Variants in KLHL18 observed in about 807,000 individuals in gnomAD.
The protein encoded by KLHL18 is kelch-like protein 18.
Under a neutral mutation model 58.5 loss-of-function variants are expected in KLHL18, and 38 were observed. That is an observed-to-expected ratio of 0.65 (90% CI 0.50 to 0.85). The LOEUF is 0.85. Among genes scored for constraint, KLHL18 ranks in the 40% least tolerant of loss-of-function variants. The pLI is 0.00. For missense variants in KLHL18, 624 were observed against 778.4 expected (o/e 0.80, Z 2.36); for synonymous variants, 303 against 301.9 (o/e 1.00, Z -0.04).
intron 1 of KLHL18, among the ~76,000 whole-genome samples, chr3:47,308,041 C>T (rs1291763415): frequency 6.6e-6 from 1 of 152,056 alleles, no homozygotes; most frequent in Non-Finnish European, 1.5e-5. Flanking sequence ...ATTTTATAGA[C>T]TTATTCTTAC....
chr3:47,325,825 AG>A (rs1326455575), intron 3 of KLHL18, among the ~76,000 whole-genome samples: 6 of 149,722 alleles, frequency 4.0e-5, no homozygotes, highest in African/African-American at 1.5e-4. Context: ...GCTGGAGTGC[AG>A]TTTCGTGATC....
chr3:47,287,554 T>A (rs529041197), intron 1 of KLHL18: 2 of 152,598 alleles, frequency 1.3e-5, no homozygotes, highest in African/African-American at 4.8e-5. Context: ...AGCGCAATCT[T>A]GGCTCACTGC....
At position 47,330,083 on chromosome 3, in the gene KLHL18, C is replaced by G. The variant is rs1310192961; in HGVS notation, c.534C>G (p.Ala178=). 1 of 1,613,928 alleles carries G rather than the reference C, an allele frequency of 6.2e-7. No individual in the cohort carries two copies. Among genetic ancestry groups the G allele is most frequent in the Non-Finnish European group, 8.5e-7 (1 of 1,180,036 alleles). ...TGTCCATGTCAGAAGAGTTCCTGGC[C>G]CTGCCCTTGGAAGACGTGCTTGAGC... ...VEVSMSEEFL[A]LPLEDVLELV... Residue 178 remains alanine, a synonymous_variant, in exon 4 of 10, where the codon GCC becomes GCG. Transcript: ENST00000232766.
chr3:47,300,377 G>GTA (rs1331026693), intron 1 of KLHL18, among the ~76,000 whole-genome samples: 1 of 100,622 alleles, frequency 9.9e-6, no homozygotes, highest in Non-Finnish European at 2.0e-5. Context: ...GTATATGTGT[G>GTA]TATATATATG....
At chr3:47,341,458 C>T (rs1168281497) in intron 8 of KLHL18, among the ~76,000 whole-genome samples, 1 of 152,132 alleles carries the variant, frequency 6.6e-6, no homozygotes, top group Non-Finnish European at 1.5e-5. Flanking sequence ...CCCTGGAGGC[C>T]TGTGTCAGAA....
At chr3:47,338,126 A>C (rs554137425) in intron 7 of KLHL18, 1 of 152,242 alleles carries the variant, frequency 6.6e-6, no homozygotes, top group Non-Finnish European at 1.5e-5. Context: ...CTGTTCTGCC[A>C]GTTAGTGACA....
intron 4 of KLHL18, among the ~76,000 whole-genome samples, chr3:47,330,717 G>A (rs1703837145): frequency 6.6e-6 from 1 of 152,162 alleles, no homozygotes; most frequent in African/African-American, 2.4e-5. Context: ...ACCAGAAACA[G>A]CAAGCATAGA....
intron 1 of KLHL18, among the ~76,000 whole-genome samples, chr3:47,289,712 G>C (rs1702750887): frequency 6.6e-6 from 1 of 152,162 alleles, no homozygotes; most frequent in South Asian, 2.1e-4. Context: ...GAGCCCAGGA[G>C]GTCAAGGCTG....
At chr3:47,333,844 G>A (rs1337853501) in intron 5 of KLHL18, among the ~76,000 whole-genome samples, 1 of 152,242 alleles carries the variant, frequency 6.6e-6, no homozygotes, top group East Asian at 1.9e-4. Context: ...ACATGGTACA[G>A]CAGAGTTACC....
rs1703940561 is a variant in KLHL18, at chr3:47,334,553, C to T, written c.762-130C>T. 9.9e-7 allele frequency: 1 copy of T among 1,012,894 alleles called. No individual in the cohort carries two copies. Among genetic ancestry groups the T allele is most frequent in the African/African-American group, 1.6e-5 (1 of 62,430 alleles). 62.7% of individuals were successfully genotyped at this position (1,012,894 alleles called of 1,614,324 possible). A position where few individuals can be genotyped will look rare whatever the true frequency, so the allele number is the denominator to read the frequency against. On this transcript the variant is annotated intron_variant, in intron 5 of 9. Coordinates refer to ENST00000232766, the MANE Select transcript of KLHL18 (RefSeq NM_025010.5). This position sits in a 1 kb window ranked among gnomAD's most constrained non-coding sequence, Gnocchi z 4.7. Reference sequence around the variant, plus strand: ...AGAACTCACCTGGTTTCTTTGAGACCAGACCTTCCAGAAGGCTTCTCCTCC... The same window carrying T: ...AGAACTCACCTGGTTTCTTTGAGACTAGACCTTCCAGAAGGCTTCTCCTCC...
chr3:47,300,623 A>G (rs1056710352), intron 1 of KLHL18, among the ~76,000 whole-genome samples: 31 of 105,698 alleles, frequency 2.9e-4, no homozygotes, highest in Non-Finnish European at 5.2e-4. Flanking sequence ...GAGTAGTGGT[A>G]TCTCATTGTG....
intron 4 of KLHL18, among the ~76,000 whole-genome samples, chr3:47,330,849 A>G (rs1052950504): frequency 1.3e-5 from 2 of 151,212 alleles, no homozygotes; most frequent in Admixed American, 6.6e-5. Flanking sequence ...TCCCGCATCA[A>G]CCTCCTTGAG....
intron 8 of KLHL18, among the ~76,000 whole-genome samples, chr3:47,341,934 A>G (rs924373932): frequency 1.3e-5 from 2 of 151,512 alleles, no homozygotes; most frequent in Non-Finnish European, 2.9e-5. Context: ...AGAGAAAAAA[A>G]CATTAGCCAG....
At chr3:47,323,094 CTTTT>C (rs199584043) in intron 3 of KLHL18, among the ~76,000 whole-genome samples, 19 of 146,552 alleles carry the variant, frequency 1.3e-4, no homozygotes, top group African/African-American at 4.5e-4. Context: ...CTTTTCTTTT[CTTTT>C]TTTTTTTCAA....
rs1347890955 is a variant in KLHL18, at chr3:47,283,020, G to A, written c.55G>A (p.Glu19Lys). 6.2e-7 allele frequency: 1 copy of A among 1,608,982 alleles called. No individual in the cohort carries two copies. Among genetic ancestry groups the A allele is most frequent in the African/African-American group, 1.3e-5 (1 of 74,862 alleles). The change falls in exon 1 of 10, where the codon GAG (glutamate) becomes AAG (lysine). Residue 19 changes from glutamate to lysine, a missense_variant. By Grantham distance (56) the Glu-to-Lys change is moderately conservative. Coordinates refer to ENST00000232766, the MANE Select transcript of KLHL18 (RefSeq NM_025010.5). ...GGATCTGGTGCACTTCTCCGTGTCTGAGTTGCCTAGTCGCGGCTACGGCGT... is the reference window on the plus strand; with the variant it reads ...GGATCTGGTGCACTTCTCCGTGTCTAAGTTGCCTAGTCGCGGCTACGGCGT... The part of the protein sequence containing the change: ...LEDLVHFSVS[E>K]LPSRGYGVME...
chr3:47,336,822 C>T (rs761275956), intron 7 of KLHL18, 65 bp downstream of exon 7: 20 of 1,265,880 alleles, frequency 1.6e-5, no homozygotes, highest in African/African-American at 1.0e-4. Flanking sequence ...CCATGCTAGA[C>T]GAGCAGGGGC....
chr3:47,322,932 C>T (rs756790335), intron 3 of KLHL18, among the ~76,000 whole-genome samples: 2 of 152,134 alleles, frequency 1.3e-5, no homozygotes, highest in Non-Finnish European at 2.9e-5. Flanking sequence ...CTGCCCTTTC[C>T]CTTGGCTTGA....
At chr3:47,324,298 CTT>C (rs769288621) in intron 3 of KLHL18, among the ~76,000 whole-genome samples, 430 of 37,460 alleles carry the variant, frequency 0.011, 3 homozygotes, top group African/African-American at 0.03. Context: ...TTCTTTCTTT[CTT>C]TTTTTTTTTT....
chr3:47,284,320 CTCT>C (rs1355951874), intron 1 of KLHL18, among the ~76,000 whole-genome samples: 3 of 150,000 alleles, frequency 2.0e-5, no homozygotes, highest in Admixed American at 6.8e-5. Flanking sequence ...GATTCTTTTG[CTCT>C]TCTTTTCTTT....
Sources: gnomAD v4.1 joint callset for allele counts (sites outside exome capture counted in the v4.1 genomes callset) on GRCh38, gnomAD v4.1.1 for gene constraint, Gnocchi (gnomAD v3.1) non-coding constraint, MANE v1.5 for transcripts, NCBI Gene and HGNC (gene_info 2026-07-23, HGNC 2026-07-21) for gene names.